DNM2: variants seen among roughly 807,000 people sequenced by gnomAD.
The protein encoded by DNM2 is dynamin-2.
DNM2 carries 15 observed loss-of-function variants against 99.0 expected under a neutral mutation model. That is an observed-to-expected ratio of 0.15 (90% confidence interval 0.10 to 0.23). The LOEUF (loss-of-function observed/expected upper bound fraction) is 0.23. Among genes scored for constraint, DNM2 ranks in the 10% least tolerant of loss-of-function variants. DNM2 has a pLI of 1.00. For missense variants in DNM2, 742 were observed against 1,189.4 expected (o/e 0.62, Z 5.53); for synonymous variants, 525 against 481.2 (o/e 1.09, Z -1.19).
At position 10,812,890 on chromosome 19, in the gene DNM2, C is replaced by G. The variant is rs1000745969; in HGVS notation, c.1671+513C>G. 1.4e-4 allele frequency among the ~76,000 whole-genome samples: 21 copies of G among 152,230 alleles called. No individual in the cohort carries two copies. The highest frequency in any genetic ancestry group is 2.1e-4 in the South Asian group (1 of 4,836). ...TTGTACCTGGCCCCCATGGGACCAG[C>G]TCCTAGAGTGCAAAAGGGAGATGGA... On this transcript the variant is annotated intron_variant, in intron 15 of 20. Transcript: ENST00000389253. The surrounding 1 kb of genome is among the most constrained non-coding windows in gnomAD (Gnocchi z 4.0).
intron 12 of DNM2, 75 bp downstream of exon 12, chr19:10,802,433 G>T (rs2072186748): frequency 6.5e-7 from 1 of 1,543,386 alleles, no homozygotes; most frequent in Admixed American, 1.7e-5. Context: ...GACTGAGTTG[G>T]GATTCTCTGA....
At chr19:10,794,349 G>GTGTGTGTGTGTA (rs2071856333) in intron 8 of DNM2, among the ~76,000 whole-genome samples, 1 of 134,800 alleles carries the variant, frequency 7.4e-6, no homozygotes, top group East Asian at 1.9e-4. Context: ...TTTTCCGTGT[G>GTGTGTGTGTGTA]TGTGTGTGTG....
Position 10,796,076 on chromosome 19 carries a change from C to G in DNM2, c.1196+637C>G. The G allele has an allele frequency of 6.2e-7, 1 of 1,613,752 alleles. No individual in the cohort carries two copies. Among genetic ancestry groups the G allele is most frequent in the East Asian group, 2.2e-5 (1 of 44,878 alleles). On this transcript the variant is annotated intron_variant, in intron 9 of 20. Coordinates refer to ENST00000389253, the MANE Select transcript of DNM2 (RefSeq NM_001005361.3). This position sits in a 1 kb window ranked among gnomAD's most constrained non-coding sequence, Gnocchi z 5.6. The stretch of plus-strand genomic sequence containing the variant: ...ACGGTTTCAGGACCGGGCTTTTCAC[C>G]CCGGACTTGGCATTCGAGGCCATTG...
In DNM2 at chr19:10,829,088, A is replaced by C; in HGVS notation, c.2111A>C (p.Asp704Ala). Reference protein sequence around the residue: ...ELLAYLYSSADQSSLMEESAD... With the variant: ...ELLAYLYSSAAQSSLMEESAD... ...CTGGCCTACCTATACTCCTCGGCAGACCAGAGCAGCCTCATGGAGGAGTCG... is the reference window on the plus strand; with the variant it reads ...CTGGCCTACCTATACTCCTCGGCAGCCCAGAGCAGCCTCATGGAGGAGTCG... Residue 704 changes from aspartate (D) to alanine (A), a missense_variant, in exon 19 of 21, where the codon GAC becomes GCC. Transcript: ENST00000389253. 6.2e-7 allele frequency: 1 copy of C among 1,613,982 alleles called. No homozygotes were observed. The highest frequency in any genetic ancestry group is 8.5e-7 in the Non-Finnish European group (1 of 1,180,000).
chr19:10,726,604 G>A (rs1013525957), intron 1 of DNM2, among the ~76,000 whole-genome samples: 3 of 152,198 alleles, frequency 2.0e-5, no homozygotes, highest in Non-Finnish European at 2.9e-5. Flanking sequence ...TTTTGTGTAC[G>A]GTGATGAGAA....
Position 10,753,776 on chromosome 19 carries a change from C to A in DNM2, c.162-5962C>A, listed in dbSNP as rs2070286570. Among the ~76,000 whole-genome samples the A allele has an allele frequency of 2.0e-5, 3 of 151,732 alleles. No individual in the cohort carries two copies. In the South Asian group the frequency reaches 6.2e-4, roughly 32 times the overall value. On this transcript the variant is annotated intron_variant, in intron 1 of 20. Transcript: ENST00000389253. Reference sequence around the variant, plus strand: ...GGTTCAAGCGATTCTCCTGTCTCAGCCTCCTGAGTAGCTGGCATTAAAGGC... The same window carrying A: ...GGTTCAAGCGATTCTCCTGTCTCAGACTCCTGAGTAGCTGGCATTAAAGGC...
At chr19:10,787,186 A>T (rs926371109) in intron 7 of DNM2, among the ~76,000 whole-genome samples, 16 of 151,952 alleles carry the variant, frequency 1.1e-4, no homozygotes, top group African/African-American at 3.6e-4. Flanking sequence ...TTGCAAAATT[A>T]GGCTGGGCAT....
chr19:10,759,731 C>CT lies in DNM2; in HGVS notation c.162-6dup, dbSNP rs1568283743. Reference sequence around the variant, plus strand: ...GAGTAATTTCTGTCCCTCTCCCCCCCTCACAGGGACTTCCTTCCCCGCGGT... The same window carrying CT: ...GAGTAATTTCTGTCCCTCTCCCCCCCTTCACAGGGACTTCCTTCCCCGCGGT... On this transcript the variant is annotated splice_polypyrimidine_tract_variant and splice_region_variant and intron_variant, in intron 1 of 20. Transcript: ENST00000389253. 6.2e-7 allele frequency: 1 copy of CT among 1,614,054 alleles called. No homozygotes were observed. Among genetic ancestry groups the CT allele is most frequent in the Non-Finnish European group, 8.5e-7 (1 of 1,180,044 alleles).
rs1292062538 is a variant in DNM2, at chr19:10,812,061, C to T, written c.1558-203C>T. On this transcript the variant is annotated intron_variant, in intron 14 of 20. Coordinates refer to ENST00000389253, the MANE Select transcript of DNM2 (RefSeq NM_001005361.3). This position sits in a 1 kb window ranked among gnomAD's most constrained non-coding sequence, Gnocchi z 4.0. Reference sequence around the variant, plus strand: ...TGGCCCAGTGAGTCTGTCTGTCCGCCCACCTGCCCAGGTGGCGCCTCATGT... The same window carrying T: ...TGGCCCAGTGAGTCTGTCTGTCCGCTCACCTGCCCAGGTGGCGCCTCATGT... 3.7e-6 allele frequency: 2 copies of T among 547,442 alleles called. No homozygotes were observed. The highest frequency in any genetic ancestry group is 7.0e-6 in the Non-Finnish European group (2 of 286,550). 33.9% of individuals were successfully genotyped at this position (547,442 alleles called of 1,614,324 possible). A position where few individuals can be genotyped will look rare whatever the true frequency, so the allele number is the denominator to read the frequency against.
chr19:10,815,829 C>T (rs1217742549), intron 15 of DNM2, among the ~76,000 whole-genome samples: 2 of 152,162 alleles, frequency 1.3e-5, no homozygotes, highest in Non-Finnish European at 2.9e-5. Context: ...TGCTGGCACC[C>T]AACCCAGCCC....
rs555838178 is a variant in DNM2 at position 10,737,811 on chromosome 19, C to A, written c.161+19408C>A. ...ATTTGTTTGATTTCTCTTTCTGTCT[C>A]CCCCCACTAGAAGGGGAATGCCCCA... On this transcript the variant is annotated intron_variant, in intron 1 of 20. Coordinates refer to ENST00000389253, the MANE Select transcript of DNM2 (RefSeq NM_001005361.3). Among the ~76,000 whole-genome samples, 7 of 152,238 alleles carry A rather than the reference C, an allele frequency of 4.6e-5. No homozygotes were observed. The South Asian group carries it at 1.5e-3, about 32-fold the overall frequency.
intron 1 of DNM2, among the ~76,000 whole-genome samples, chr19:10,726,594 T>C (rs577526987): frequency 6.6e-6 from 1 of 152,244 alleles, no homozygotes; most frequent in Non-Finnish European, 1.5e-5. Flanking sequence ...TTTACACACA[T>C]TTTGTGTACG....
intron 1 of DNM2, among the ~76,000 whole-genome samples, chr19:10,731,354 CTTTTTT>C (rs369402403): frequency 7.2e-6 from 1 of 139,598 alleles, no homozygotes. Flanking sequence ...TCTTTTCCTT[CTTTTTT>C]TTTTTTTTTT....
chr19:10,808,721 C>A (rs1568312339), intron 14 of DNM2, 141 bp downstream of exon 14: 1 of 1,071,122 alleles, frequency 9.3e-7, no homozygotes, highest in Non-Finnish European at 1.4e-6. Flanking sequence ...AAACCCCATG[C>A]CGCAGCCGGC....
intron 1 of DNM2, among the ~76,000 whole-genome samples, chr19:10,721,133 A>G (rs2068925495): frequency 6.6e-6 from 1 of 151,982 alleles, no homozygotes; most frequent in South Asian, 2.1e-4. Flanking sequence ...GCGACCTCCT[A>G]GAATCCTGCA....
chr19:10,722,803 T>A (rs2068982317), intron 1 of DNM2, among the ~76,000 whole-genome samples: 1 of 152,008 alleles, frequency 6.6e-6, no homozygotes, highest in Non-Finnish European at 1.5e-5. Context: ...AATTTTTCAT[T>A]TTTTGTAGAT....
intron 1 of DNM2, among the ~76,000 whole-genome samples, chr19:10,748,972 A>C (rs1309155639): frequency 6.6e-6 from 1 of 152,152 alleles, no homozygotes; most frequent in Non-Finnish European, 1.5e-5. Context: ...TGCCATGCTG[A>C]AGGCTGGCTG....
At chr19:10,821,144 C>T (rs1042180192) in intron 16 of DNM2, among the ~76,000 whole-genome samples, 3 of 152,026 alleles carry the variant, frequency 2.0e-5, no homozygotes, top group African/African-American at 4.8e-5. Context: ...CTCCTGGTTC[C>T]CTCCTGCTTT....
intron 18 of DNM2, among the ~76,000 whole-genome samples, chr19:10,827,654 G>A (rs866717905): frequency 2.7e-5 from 4 of 150,108 alleles, no homozygotes; most frequent in Non-Finnish European, 4.4e-5. Context: ...GGCACATCAC[G>A]AGGTCAAGAG....
Sources: allele counts gnomAD v4.1 joint callset (sites outside exome capture counted in the v4.1 genomes callset), GRCh38; gene constraint gnomAD v4.1.1; non-coding constraint Gnocchi (gnomAD v3.1); transcripts MANE v1.5; gene names NCBI Gene and HGNC (gene_info 2026-07-23, HGNC 2026-07-21).